The following NNT variants were observed in gnomAD, a reference collection of about 807,000 sequenced individuals.
The protein encoded by NNT is NAD(P) transhydrogenase, mitochondrial.
A neutral mutation model predicts 104.8 loss-of-function variants in NNT; 50 were observed. The ratio of observed to expected loss-of-function variants is 0.48; its 90% CI spans 0.38 to 0.60. The LOEUF is 0.60. NNT is among the 20% of genes least tolerant of loss of function. The pLI, the probability that NNT is intolerant of heterozygous loss-of-function variation, is 0.00. For synonymous variants in NNT, 461 were observed against 490.4 expected, an observed-to-expected ratio of 0.94 and a Z score of 0.79; for missense variants, 1,131 against 1,330.7, an observed-to-expected ratio of 0.85 and a Z score of 2.33.
intron 7 of NNT, among the ~76,000 whole-genome samples, chr5:43,630,046 C>T (rs1245557370): frequency 6.6e-6 from 1 of 152,062 alleles, no homozygotes; most frequent in East Asian, 1.9e-4. Context: ...AACTCTTTGC[C>T]CAAGCCAGTG....
chr5:43,659,156 T>G lies in NNT; in HGVS notation c.2455-15T>G. On this transcript the variant is annotated splice_polypyrimidine_tract_variant and intron_variant, in intron 16 of 21. Coordinates refer to ENST00000344920, the MANE Select transcript of NNT (RefSeq NM_182977.3). ...ATGTTATTAATTTTGAGTTCTGATT[T>G]GATTGTTGTTCTAGGGTGTGACTTT... 1 of 1,542,716 alleles carries G rather than the reference T, an allele frequency of 6.5e-7. No individual in the cohort carries two copies. Among genetic ancestry groups the G allele is most frequent in the South Asian group, 1.2e-5 (1 of 81,398 alleles).
In NNT at chr5:43,700,108, T is replaced by G; in HGVS notation, c.2877-11T>G. 6.2e-7 allele frequency: 1 copy of G among 1,606,978 alleles called. No homozygotes were observed. Among genetic ancestry groups the G allele is most frequent in the South Asian group, 1.1e-5 (1 of 90,394 alleles). ...CAAGTAAGGCCAGCTCTTCATTTGT[T>G]TCATGTCTAGGTTTGGAATTCACCC... On this transcript the variant is annotated splice_polypyrimidine_tract_variant and intron_variant, in intron 19 of 21. Transcript: ENST00000344920.
intron 19 of NNT, among the ~76,000 whole-genome samples, chr5:43,686,634 CT>C (rs1379612634): frequency 3.3e-5 from 5 of 151,948 alleles, no homozygotes; most frequent in African/African-American, 1.2e-4. Flanking sequence ...ATGTATGCTT[CT>C]TTGTATTAAG....
At chr5:43,651,704 G>A in intron 12 of NNT, 35 bp from the exon 13 acceptor site, 1 of 1,611,080 alleles carries the variant, frequency 6.2e-7, no homozygotes, top group Non-Finnish European at 8.5e-7. Flanking sequence ...AGCTCAAAGA[G>A]GTACTATGTT....
At chr5:43,604,341 T>C (rs1749093972) in intron 1 of NNT, among the ~76,000 whole-genome samples, 1 of 152,202 alleles carries the variant, frequency 6.6e-6, no homozygotes, top group Non-Finnish European at 1.5e-5. Context: ...CTTTTCTTCA[T>C]TGCACCCCTT....
chr5:43,628,933 ATGT>A (rs1248094418), intron 7 of NNT, among the ~76,000 whole-genome samples: 12 of 145,598 alleles, frequency 8.2e-5, no homozygotes, highest in African/African-American at 3.2e-4. Context: ...TGTGTGTACA[ATGT>A]TTTTTTTTTT....
At chr5:43,640,066 T>G (rs150097169) in intron 7 of NNT, among the ~76,000 whole-genome samples, 56 of 152,196 alleles carry the variant, frequency 3.7e-4, no homozygotes, top group Non-Finnish European at 6.3e-4. Context: ...TTTATTAATT[T>G]TCCTGTTTCT....
rs1741996813 is a variant in NNT at position 43,686,475 on chromosome 5, GT to G, written c.2876+8675del. ...GGCCTCAATCTAGATTGACTATACA[GT>G]TTTTTAGTATTTTTGATGTAGCTGC... On this transcript the variant is annotated intron_variant, in intron 19 of 21. Coordinates refer to ENST00000344920, the MANE Select transcript of NNT (RefSeq NM_182977.3). Among the ~76,000 whole-genome samples the G allele has an allele frequency of 5.3e-5, 8 of 151,988 alleles. 1 individual carries two copies. The South Asian group carries it at 1.2e-3, about 24-fold the overall frequency.
At position 43,691,070 on chromosome 5, in the gene NNT, A is replaced by AGTGTGTGTGT. The variant is rs56075202; in HGVS notation, c.2877-9014_2877-9005dup. Among the ~76,000 whole-genome samples the AGTGTGTGTGT allele has an allele frequency of 1.7e-3, 232 of 137,496 alleles. 1 individual carries two copies. The highest frequency in any genetic ancestry group is 5.7e-3 in the African/African-American group (208 of 36,504). The allele number at this position is 137,496 out of a possible 152,430, so 90.2% of individuals were successfully genotyped here. On this transcript the variant is annotated intron_variant, in intron 19 of 21. Coordinates refer to ENST00000344920, the MANE Select transcript of NNT (RefSeq NM_182977.3). The stretch of plus-strand genomic sequence containing the variant: ...AACTGATCCAGAATTTTTTTGAGAG[A>AGTGTGTGTGT]GTGTGTGTGTGTGTGTGTGTGTGTG...
chr5:43,697,095 C>T (rs1034248362), intron 19 of NNT, among the ~76,000 whole-genome samples: 9 of 152,316 alleles, frequency 5.9e-5, no homozygotes, highest in African/African-American at 2.2e-4. Context: ...ATCACATTGT[C>T]AGGCTGCAAA....
intron 1 of NNT, among the ~76,000 whole-genome samples, chr5:43,608,568 C>T (rs1481243326): frequency 6.6e-6 from 1 of 152,132 alleles, no homozygotes; most frequent in African/African-American, 2.4e-5. Flanking sequence ...GAGAGGTGCA[C>T]TTGGCAAACA....
Position 43,671,733 on chromosome 5 carries a change from A to C in NNT, c.2635-3778A>C, listed in dbSNP as rs541553979. 6.6e-4 allele frequency among the ~76,000 whole-genome samples: 100 copies of C among 151,914 alleles called. 3 individuals carry two copies. Among genetic ancestry groups the C allele is most frequent in the African/African-American group, 2.4e-3 (98 of 41,406 alleles). On this transcript the variant is annotated intron_variant, in intron 17 of 21. Coordinates refer to ENST00000344920, the MANE Select transcript of NNT (RefSeq NM_182977.3). The stretch of plus-strand genomic sequence containing the variant: ...CCCTTAACATTTTTTCCTTCATTTC[A>C]ACTTTGGTGAATGTGACAATTATGT...
intron 17 of NNT, among the ~76,000 whole-genome samples, chr5:43,665,012 CCTT>C (rs1308718952): frequency 1.3e-5 from 2 of 151,758 alleles, no homozygotes; most frequent in Non-Finnish European, 2.9e-5. Context: ...GAGATTCTTT[CCTT>C]CTTCTTCATT....
At chr5:43,650,616 T>C in intron 12 of NNT, 29 bp downstream of exon 12, 1 of 1,484,460 alleles carries the variant, frequency 6.7e-7, no homozygotes, top group Non-Finnish European at 9.4e-7. Context: ...GTCTCAGTAC[T>C]ATTTTCAATG....
At chr5:43,622,285 T>G (rs975637943) in intron 5 of NNT, among the ~76,000 whole-genome samples, 3 of 152,328 alleles carry the variant, frequency 2.0e-5, no homozygotes. Context: ...CCATTTTGGC[T>G]TAAACAATTG....
intron 18 of NNT, among the ~76,000 whole-genome samples, chr5:43,677,399 TGAGAGAGAGA>T (rs111577191): frequency 1.4e-5 from 2 of 138,632 alleles, no homozygotes; most frequent in South Asian, 2.4e-4. Context: ...TTTAAAAACA[TGAGAGAGAGA>T]GAGAGAGAGA....
intron 19 of NNT, among the ~76,000 whole-genome samples, chr5:43,692,744 C>T (rs1043256037): frequency 1.1e-4 from 17 of 152,154 alleles, no homozygotes; most frequent in African/African-American, 3.1e-4. Context: ...TTCTTTCTTT[C>T]TTTGTTTATT....
rs781393398 is a variant in NNT, at chr5:43,615,874, A to G, written c.408A>G (p.Thr136=). Residue 136 remains threonine, a synonymous_variant, in exon 4 of 22, where the codon ACA becomes ACG. Transcript: ENST00000344920. Reference sequence around the variant, plus strand: ...TGCGAGCCCCTATGGTTAATCCAACATTAGGTGTTCATGAAGCTGACCTTT... The same window carrying G: ...TGCGAGCCCCTATGGTTAATCCAACGTTAGGTGTTCATGAAGCTGACCTTT... ...VKVRAPMVNP[T]LGVHEADLLK... 5.6e-6 allele frequency: 9 copies of G among 1,613,990 alleles called. No homozygotes were observed. The Admixed American group carries it at 6.7e-5, about 12-fold the overall frequency.
In NNT at chr5:43,619,070, G is replaced by T. The variant is rs769414431; in HGVS notation, c.638G>T (p.Arg213Leu). 6.4e-7 allele frequency: 1 copy of T among 1,550,568 alleles called. No individual in the cohort carries two copies. Among genetic ancestry groups the T allele is most frequent in the Non-Finnish European group, 8.7e-7 (1 of 1,146,276 alleles). ...AVVLAANHFG[R>L]FFTGQITAAG... ...GTCCTAGCAGCAAATCATTTTGGAC[G>T]TTTTTTTACTGGTCAGATCACAGCT... is the stretch of plus-strand genomic sequence containing the variant. The change falls in exon 5 of 22, where the codon CGT becomes CTT. Residue 213 changes from arginine to leucine, a missense_variant. Transcript: ENST00000344920.
Sources: allele counts gnomAD v4.1 joint callset (sites outside exome capture counted in the v4.1 genomes callset), GRCh38; gene constraint gnomAD v4.1.1; transcripts MANE v1.5; gene names NCBI Gene and HGNC (gene_info 2026-07-23, HGNC 2026-07-21).